The following ZNF804B variants were observed in gnomAD, a reference collection of about 807,000 sequenced individuals.
ZNF804B encodes zinc finger protein 804B, also known as zinc finger 804B.
Under a neutral mutation model 101.4 loss-of-function variants are expected in ZNF804B, and 80 were observed. The observed-to-expected ratio is 0.79, with a 90% CI of 0.66 to 0.95. The LOEUF (loss-of-function observed/expected upper bound fraction) is 0.95. Ranked by LOEUF, ZNF804B falls within the 40% of genes least tolerant of loss-of-function variation. The pLI, the probability that ZNF804B is intolerant of heterozygous loss-of-function variation, is 0.00. For synonymous variants in ZNF804B, 622 were observed against 558.8 expected, an observed-to-expected ratio of 1.11 and a Z score of -1.59; for missense variants, 1,673 against 1,561.9, an observed-to-expected ratio of 1.07 and a Z score of -1.20.
At chr7:89,047,289 G>A (rs1304895991) in intron 1 of ZNF804B, among the ~76,000 whole-genome samples, 1 of 151,966 alleles carries the variant, frequency 6.6e-6, no homozygotes, top group African/African-American at 2.4e-5. Context: ...TATTAACATT[G>A]GATATTAATT....
chr7:88,759,927 G>C lies in ZNF804B; in HGVS notation c.-50G>C. On this transcript the variant is annotated 5_prime_UTR_variant, in exon 1 of 4. Transcript: ENST00000333190. ...CTGAGAAACCCGCCCGCTTTCCACG[G>C]CTGGTCGCCTGGTGAGGAGTTGAGA... 6.5e-7 allele frequency: 1 copy of C among 1,535,876 alleles called. No individual in the cohort carries two copies. Among genetic ancestry groups the C allele is most frequent in the Non-Finnish European group, 9.0e-7 (1 of 1,110,992 alleles).
rs752189866 is a variant in ZNF804B at position 89,337,060 on chromosome 7, A to AT, written c.*35dup. On this transcript the variant is annotated 3_prime_UTR_variant, in exon 4 of 4. Transcript: ENST00000333190. ...AGTGTTAAAGCCCCTCCTGTGGATA[A>AT]TTTTTTTAATTGTCACTACCTATAA... 2.5e-6 allele frequency: 4 copies of AT among 1,571,272 alleles called. No individual in the cohort carries two copies. The highest frequency in any genetic ancestry group is 3.5e-6 in the Non-Finnish European group (4 of 1,157,866).
chr7:89,312,687 G>A (rs1018661023), intron 2 of ZNF804B, among the ~76,000 whole-genome samples: 3 of 151,864 alleles, frequency 2.0e-5, no homozygotes, highest in African/African-American at 7.3e-5. Context: ...ATTGCAACCA[G>A]AACACATAAA....
intron 2 of ZNF804B, among the ~76,000 whole-genome samples, chr7:89,316,843 C>G (rs1298345728): frequency 1.3e-5 from 2 of 149,948 alleles, no homozygotes; most frequent in African/African-American, 4.8e-5. Flanking sequence ...TGAAAAAGAC[C>G]CTTTGTACTG....
intron 2 of ZNF804B, among the ~76,000 whole-genome samples, chr7:89,297,386 A>G (rs752602428): frequency 2.0e-5 from 3 of 152,104 alleles, no homozygotes; most frequent in South Asian, 2.1e-4. Flanking sequence ...AATAATAACC[A>G]TCATTCTTAA....
chr7:88,878,965 C>G (rs889329323), intron 1 of ZNF804B, among the ~76,000 whole-genome samples: 1 of 152,146 alleles, frequency 6.6e-6, no homozygotes, highest in African/African-American at 2.4e-5. Flanking sequence ...TCATTCTACT[C>G]ATGCTTCAGT....
chr7:89,324,163 G>C (rs902524064), intron 2 of ZNF804B, among the ~76,000 whole-genome samples: 1 of 151,068 alleles, frequency 6.6e-6, no homozygotes, highest in Non-Finnish European at 1.5e-5. Flanking sequence ...TTAGTATTTT[G>C]TTGATGTTTA....
rs1487056929 is a variant in ZNF804B, at chr7:88,812,428, G to T, written c.108+52344G>T. Among the ~76,000 whole-genome samples the T allele has an allele frequency of 2.6e-5, 4 of 152,116 alleles. No individual in the cohort carries two copies. In the East Asian group the frequency reaches 7.7e-4, roughly 29 times the overall value. On this transcript the variant is annotated intron_variant, in intron 1 of 3. Transcript: ENST00000333190. ...ACACTGTTGATGGGATTGTAAAATGGTGCAACCACCATGGAAAACTGTATG... is the reference window on the plus strand; with the variant it reads ...ACACTGTTGATGGGATTGTAAAATGTTGCAACCACCATGGAAAACTGTATG...
chr7:89,201,716 A>C (rs984113710), intron 1 of ZNF804B, among the ~76,000 whole-genome samples: 6 of 152,150 alleles, frequency 3.9e-5, no homozygotes, highest in African/African-American at 1.4e-4. Flanking sequence ...TAATACATGG[A>C]GTAAAATCTG....
chr7:88,978,791 T>TCTCC (rs1562849598), intron 1 of ZNF804B, among the ~76,000 whole-genome samples: 2 of 127,498 alleles, frequency 1.6e-5, no homozygotes, highest in African/African-American at 3.2e-5. Flanking sequence ...TTCCTCCCTC[T>TCTCC]CTCCCTCCCT....
chr7:89,165,718 G>A (rs1221260275), intron 1 of ZNF804B, among the ~76,000 whole-genome samples: 2 of 152,046 alleles, frequency 1.3e-5, no homozygotes, highest in Admixed American at 6.6e-5. Flanking sequence ...TGATTATGAA[G>A]TACTGTATCT....
At chr7:88,984,414 T>C (rs1793732559) in intron 1 of ZNF804B, among the ~76,000 whole-genome samples, 1 of 152,040 alleles carries the variant, frequency 6.6e-6, no homozygotes, top group Admixed American at 6.6e-5. Context: ...ACTTAGACTC[T>C]TGCCAACTCA....
chr7:88,918,909 A>G (rs1197083969), intron 1 of ZNF804B, among the ~76,000 whole-genome samples: 1 of 152,114 alleles, frequency 6.6e-6, no homozygotes, highest in Non-Finnish European at 1.5e-5. Flanking sequence ...AGCAATTGAA[A>G]CACATCAAAG....
intron 2 of ZNF804B, among the ~76,000 whole-genome samples, chr7:89,288,216 C>T (rs1790236203): frequency 1.3e-5 from 2 of 151,394 alleles, no homozygotes; most frequent in Admixed American, 1.3e-4. Flanking sequence ...TATTGTGACG[C>T]ATAAAGAGAA....
intron 1 of ZNF804B, among the ~76,000 whole-genome samples, chr7:88,926,945 G>GGGGA (rs959590569): frequency 1.4e-4 from 21 of 150,018 alleles, no homozygotes; most frequent in African/African-American, 4.6e-4. Context: ...GTGGGGAGCG[G>GGGGA]GGGGAAAGCT....
At chr7:89,316,899 C>T (rs1790741604) in intron 2 of ZNF804B, among the ~76,000 whole-genome samples, 1 of 152,130 alleles carries the variant, frequency 6.6e-6, no homozygotes, top group Non-Finnish European at 1.5e-5. Context: ...ACAGGAAAAA[C>T]AAGGAAAACC....
At chr7:89,219,989 G>GTATATA (rs1257517964) in intron 2 of ZNF804B, among the ~76,000 whole-genome samples, 1 of 137,870 alleles carries the variant, frequency 7.3e-6, no homozygotes, top group Non-Finnish European at 1.5e-5. Flanking sequence ...ACATATGTGT[G>GTATATA]CATATATGTA....
chr7:89,292,975 A>G (rs1790321463), intron 2 of ZNF804B, among the ~76,000 whole-genome samples: 1 of 152,016 alleles, frequency 6.6e-6, no homozygotes, highest in Non-Finnish European at 1.5e-5. Context: ...AAATAAATGG[A>G]AGGATATTTC....
At chr7:89,212,612 CA>C (rs1251431274) in intron 1 of ZNF804B, among the ~76,000 whole-genome samples, 1 of 152,114 alleles carries the variant, frequency 6.6e-6, no homozygotes, top group African/African-American at 2.4e-5. Context: ...AGTGCTACTA[CA>C]AAACAGGAAA....
Sources: allele counts gnomAD v4.1 joint callset (sites outside exome capture counted in the v4.1 genomes callset), GRCh38; gene constraint gnomAD v4.1.1; transcripts MANE v1.5; gene names NCBI Gene and HGNC (gene_info 2026-07-23, HGNC 2026-07-21).